The following MOB3B variants were observed in gnomAD, a reference collection of about 807,000 sequenced individuals.
MOB3B encodes the protein MOB kinase activator 3B, also known as MOB kinase activator-like 2B.
A neutral mutation model predicts 18.7 loss-of-function variants in MOB3B; 7 were observed. The ratio of observed to expected loss-of-function variants is 0.37; its 90% CI spans 0.21 to 0.70. The LOEUF (loss-of-function observed/expected upper bound fraction) is 0.70. Among genes scored for constraint, MOB3B ranks in the 30% least tolerant of loss-of-function variants. The probability of loss-of-function intolerance (pLI) is 0.52; values close to 1 mark genes in which losing one functional copy is unlikely to be tolerated. For synonymous variants in MOB3B, 111 were observed against 99.9 expected, an observed-to-expected ratio of 1.11 and a Z score of -0.66; for missense variants, 253 against 281.3, an observed-to-expected ratio of 0.90 and a Z score of 0.72.
chr9:27,352,838 G>A (rs1249340864), intron 3 of MOB3B, among the ~76,000 whole-genome samples: 1 of 152,122 alleles, frequency 6.6e-6, no homozygotes, highest in Non-Finnish European at 1.5e-5. Flanking sequence ...TAAATTGGGC[G>A]GGCTACACAA....
At chr9:27,441,394 T>G (rs1822592878) in intron 2 of MOB3B, among the ~76,000 whole-genome samples, 2 of 152,162 alleles carry the variant, frequency 1.3e-5, no homozygotes, top group South Asian at 4.1e-4. Context: ...CTTTGGCATA[T>G]CTGAATTGCT....
At chr9:27,423,365 C>T (rs917592842) in intron 2 of MOB3B, among the ~76,000 whole-genome samples, 2 of 151,268 alleles carry the variant, frequency 1.3e-5, no homozygotes, top group Admixed American at 1.3e-4. Flanking sequence ...ATCTTTGGCC[C>T]CCATACATGA....
At position 27,342,405 on chromosome 9, in the gene MOB3B, T is replaced by C. The variant is rs546157766; in HGVS notation, c.622-11789A>G. On this transcript the variant is annotated intron_variant, in intron 3 of 3. Transcript: ENST00000262244. Reference sequence around the variant, plus strand: ...AAGAGTGGAGTGAACTCTACATGCCTATAGTCCCTTAGAACTAAACCCCTC... The same window carrying C: ...AAGAGTGGAGTGAACTCTACATGCCCATAGTCCCTTAGAACTAAACCCCTC... Among the ~76,000 whole-genome samples the C allele has an allele frequency of 2.6e-4, 40 of 152,292 alleles. No homozygotes were observed. In the East Asian group the frequency reaches 6.9e-3, roughly 26 times the overall value.
At chr9:27,450,090 T>C (rs1021346622) in intron 2 of MOB3B, among the ~76,000 whole-genome samples, 2 of 152,184 alleles carry the variant, frequency 1.3e-5, no homozygotes, top group Non-Finnish European at 2.9e-5. Context: ...TGTTTTTATA[T>C]TTTCAGATCC....
chr9:27,443,948 T>C (rs1004664366), intron 2 of MOB3B, among the ~76,000 whole-genome samples: 3 of 152,208 alleles, frequency 2.0e-5, no homozygotes, highest in South Asian at 4.1e-4. Context: ...TCTTTAGTCT[T>C]GCACCTATGC....
At chr9:27,381,066 G>T (rs1439537882) in intron 2 of MOB3B, among the ~76,000 whole-genome samples, 1 of 152,186 alleles carries the variant, frequency 6.6e-6, no homozygotes, top group African/African-American at 2.4e-5. Flanking sequence ...CTCCTGAGCT[G>T]ACAAGACATG....
intron 3 of MOB3B, among the ~76,000 whole-genome samples, chr9:27,355,146 G>A (rs1477857168): frequency 2.0e-5 from 3 of 152,142 alleles, no homozygotes; most frequent in African/African-American, 4.8e-5. Context: ...TACCCCAGTA[G>A]GGTGCTGCAT....
chr9:27,459,018 C>CT (rs35371356), intron 1 of MOB3B, among the ~76,000 whole-genome samples: 9 of 151,662 alleles, frequency 5.9e-5, no homozygotes, highest in Admixed American at 3.9e-4. Flanking sequence ...TAGGCCCCCC[C>CT]CCATGTTTAA....
chr9:27,326,710 C>T lies in MOB3B; in HGVS notation c.*3877G>A. 2.5e-6 allele frequency: 1 copy of T among 397,220 alleles called. No homozygotes were observed. Among genetic ancestry groups the T allele is most frequent in the Non-Finnish European group, 4.4e-6 (1 of 225,730 alleles). The allele number at this position is 397,220 out of a possible 1,614,324, so 24.6% of individuals were successfully genotyped here. A position where few individuals can be genotyped will look rare whatever the true frequency, so the allele number is the denominator to read the frequency against. On this transcript the variant is annotated 3_prime_UTR_variant, in exon 4 of 4. Transcript: ENST00000262244. ...TGGGTCTTTGGAAATGAGAAAATAC[C>T]CAGGGAAGAGAAAACGAACAATTTA...
chr9:27,374,808 G>A (rs1443844019), intron 2 of MOB3B, among the ~76,000 whole-genome samples: 4 of 152,246 alleles, frequency 2.6e-5, no homozygotes, highest in South Asian at 4.1e-4. Context: ...CATGGCAGCA[G>A]CTCAGTAATG....
intron 1 of MOB3B, among the ~76,000 whole-genome samples, chr9:27,510,292 T>C (rs988626670): frequency 1.3e-5 from 2 of 152,254 alleles, no homozygotes; most frequent in Non-Finnish European, 2.9e-5. Flanking sequence ...GAAATTATGA[T>C]GTGATCATTG....
chr9:27,469,465 T>C (rs1819438511), intron 1 of MOB3B, among the ~76,000 whole-genome samples: 1 of 152,124 alleles, frequency 6.6e-6, no homozygotes, highest in African/African-American at 2.4e-5. Flanking sequence ...CACCACGACA[T>C]TAATTTTCCT....
intron 1 of MOB3B, among the ~76,000 whole-genome samples, chr9:27,507,881 C>G (rs1287709407): frequency 6.6e-6 from 1 of 152,184 alleles, no homozygotes; most frequent in East Asian, 1.9e-4. Flanking sequence ...AGAAATCATT[C>G]ATCCAGAAGG....
chr9:27,417,730 G>A (rs1358853429), intron 2 of MOB3B, among the ~76,000 whole-genome samples: 1 of 152,180 alleles, frequency 6.6e-6, no homozygotes, highest in Non-Finnish European at 1.5e-5. Flanking sequence ...ATGAGCTCAT[G>A]TGATCTTTAC....
At chr9:27,472,668 C>A (rs576569948) in intron 1 of MOB3B, among the ~76,000 whole-genome samples, 3 of 120,070 alleles carry the variant, frequency 2.5e-5, no homozygotes, top group Admixed American at 1.9e-4. Context: ...CTTTAAACTG[C>A]ACTTTATTCT....
chr9:27,359,355 G>A (rs539150372), intron 2 of MOB3B, 119 bp from the exon 3 acceptor site: 2 of 573,992 alleles, frequency 3.5e-6, no homozygotes, highest in Admixed American at 2.6e-5. Flanking sequence ...CCCGTCACAG[G>A]AGTCATAGGG....
chr9:27,342,435 TC>T (rs1054859926), intron 3 of MOB3B, among the ~76,000 whole-genome samples: 86 of 143,054 alleles, frequency 6.0e-4, no homozygotes, highest in African/African-American at 2.1e-3. Context: ...CCCCTCTCCC[TC>T]CCCCTCCCCC....
At chr9:27,526,250 G>A (rs960013336) in intron 1 of MOB3B, 3 of 152,224 alleles carry the variant, frequency 2.0e-5, no homozygotes, top group Non-Finnish European at 2.9e-5. Flanking sequence ...AGTTAGAAGA[G>A]ATGTTTAAAA....
intron 2 of MOB3B, among the ~76,000 whole-genome samples, chr9:27,375,261 T>TG: frequency 6.6e-6 from 1 of 152,228 alleles, no homozygotes; most frequent in Middle Eastern, 3.4e-3. Context: ...AGCACTGGAG[T>TG]GGGGTAGTCA....
Sources: allele counts gnomAD v4.1 joint callset (sites outside exome capture counted in the v4.1 genomes callset), GRCh38; gene constraint gnomAD v4.1.1; transcripts MANE v1.5; gene names NCBI Gene and HGNC (gene_info 2026-07-23, HGNC 2026-07-21).